Variants in SKAP2 observed in about 807,000 individuals in gnomAD.
The protein encoded by SKAP2 is src kinase associated phosphoprotein 2.
A neutral mutation model predicts 54.9 loss-of-function variants in SKAP2; 28 were observed. That is an observed-to-expected ratio of 0.51 (90% CI 0.38 to 0.70). The LOEUF is 0.70. Ranked by LOEUF, SKAP2 falls within the 30% of genes least tolerant of loss-of-function variation. SKAP2 has a pLI of 0.00. For synonymous variants in SKAP2, 137 were observed against 134.3 expected (o/e 1.02, Z -0.14); for missense variants, 356 against 424.1 (o/e 0.84, Z 1.41).
intron 4 of SKAP2, among the ~76,000 whole-genome samples, chr7:26,763,731 A>G (rs1782983364): frequency 6.6e-6 from 1 of 152,176 alleles, no homozygotes; most frequent in African/African-American, 2.4e-5. Flanking sequence ...GTCATTGTAT[A>G]AACATCATGA....
intron 9 of SKAP2, among the ~76,000 whole-genome samples, chr7:26,715,992 A>G (rs1157715148): frequency 1.3e-5 from 2 of 152,182 alleles, no homozygotes; most frequent in Non-Finnish European, 2.9e-5. Context: ...ATTAAATTTA[A>G]TTGTAGTTAA....
At chr7:26,774,228 C>T (rs7784206) in intron 4 of SKAP2, among the ~76,000 whole-genome samples, 69,043 of 151,812 alleles carry the variant, frequency 0.45, 16,434 homozygotes, top group African/African-American at 0.56. Flanking sequence ...CAGGAGAATC[C>T]CTTGAACCCG....
chr7:26,683,535 T>TGGAAGGAAGGAA (rs145108418), intron 11 of SKAP2, among the ~76,000 whole-genome samples: 22,212 of 147,044 alleles, frequency 0.15, 2,078 homozygotes, highest in East Asian at 0.35. Context: ...GATGGATGGA[T>TGGAAGGAAGGAA]GGAAGGAAGG....
At chr7:26,657,671 C>G in the SKAP2 span, among the ~76,000 whole-genome samples, 4 of 151,878 alleles carry the variant, frequency 2.6e-5, no homozygotes, top group African/African-American at 9.7e-5. Context: ...ATTTCTGTAC[C>G]TTGTCTTTAC....
At chr7:26,847,284 T>C (rs1022184302) in intron 3 of SKAP2, among the ~76,000 whole-genome samples, 1 of 152,162 alleles carries the variant, frequency 6.6e-6, no homozygotes, top group South Asian at 2.1e-4. Flanking sequence ...GGACACATCA[T>C]TTTTCAAGAT....
At chr7:26,722,710 A>G (rs1787604886) in intron 9 of SKAP2, among the ~76,000 whole-genome samples, 2 of 152,080 alleles carry the variant, frequency 1.3e-5, no homozygotes, top group South Asian at 2.1e-4. Context: ...CGCCCAGCCC[A>G]TTGCAATTTT....
intron 9 of SKAP2, among the ~76,000 whole-genome samples, chr7:26,696,151 TTA>T (rs1180100638): frequency 6.6e-6 from 1 of 152,200 alleles, no homozygotes; most frequent in Non-Finnish European, 1.5e-5. Context: ...TGAAGGATTT[TTA>T]TATTACTATA....
At chr7:26,838,856 T>C (rs1029396884) in intron 4 of SKAP2, among the ~76,000 whole-genome samples, 2 of 152,216 alleles carry the variant, frequency 1.3e-5, no homozygotes, top group Admixed American at 6.5e-5. Flanking sequence ...CCTAGATTGC[T>C]AGTTACCTTA....
chr7:26,721,117 C>G (rs1787567784), intron 9 of SKAP2, among the ~76,000 whole-genome samples: 1 of 152,138 alleles, frequency 6.6e-6, no homozygotes, highest in African/African-American at 2.4e-5. Flanking sequence ...CTTTCCATTG[C>G]ATTCCAAAGA....
At chr7:26,775,641 C>A (rs1436048388) in intron 4 of SKAP2, among the ~76,000 whole-genome samples, 2 of 151,782 alleles carry the variant, frequency 1.3e-5, no homozygotes, top group Non-Finnish European at 2.9e-5. Context: ...AGTTCCAACA[C>A]CACAAGGATC....
intron 9 of SKAP2, among the ~76,000 whole-genome samples, chr7:26,716,302 G>C: frequency 6.6e-6 from 1 of 152,012 alleles, no homozygotes; most frequent in East Asian, 1.9e-4. Flanking sequence ...AGATATTAGG[G>C]TTATATAGTT....
intron 4 of SKAP2, among the ~76,000 whole-genome samples, chr7:26,763,909 G>A (rs1019054816): frequency 6.6e-6 from 1 of 152,096 alleles, no homozygotes; most frequent in African/African-American, 2.4e-5. Context: ...CATGGAAAAG[G>A]CACAGTAAAA....
intron 4 of SKAP2, among the ~76,000 whole-genome samples, chr7:26,836,279 A>C (rs532165099): frequency 1.3e-5 from 2 of 152,348 alleles, no homozygotes; most frequent in South Asian, 4.1e-4. Flanking sequence ...GTACATAGGC[A>C]TGGGCAAAGA....
intron 11 of SKAP2, among the ~76,000 whole-genome samples, chr7:26,680,890 CTTCT>C (rs1044599346): frequency 4.0e-5 from 6 of 151,774 alleles, no homozygotes; most frequent in African/African-American, 1.5e-4. Flanking sequence ...TCTGCCTACT[CTTCT>C]TTCTTTATTG....
At chr7:26,812,073 A>G (rs1784158585) in intron 4 of SKAP2, among the ~76,000 whole-genome samples, 1 of 152,152 alleles carries the variant, frequency 6.6e-6, no homozygotes, top group Non-Finnish European at 1.5e-5. Flanking sequence ...ATTTGTTTTT[A>G]AGGGAACTGT....
chr7:26,785,154 G>T (rs1783514882), intron 4 of SKAP2, among the ~76,000 whole-genome samples: 1 of 151,918 alleles, frequency 6.6e-6, no homozygotes, highest in Admixed American at 6.6e-5. Context: ...CTGGAAAAAA[G>T]ATCATGCCTT....
At chr7:26,695,320 G>A (rs1786871771) in intron 9 of SKAP2, among the ~76,000 whole-genome samples, 1 of 152,154 alleles carries the variant, frequency 6.6e-6, no homozygotes, top group South Asian at 2.1e-4. Flanking sequence ...CTCAGGAAAT[G>A]TGAATATTTA....
At chr7:26,863,379 C>T (rs2128000122) in intron 1 of SKAP2, among the ~76,000 whole-genome samples, 1 of 152,216 alleles carries the variant, frequency 6.6e-6, no homozygotes, top group East Asian at 1.9e-4. Flanking sequence ...ATTTTATAGA[C>T]ATCTAAAACT....
intron 4 of SKAP2, among the ~76,000 whole-genome samples, chr7:26,791,677 C>G (rs144051753): frequency 6.6e-6 from 1 of 152,038 alleles, no homozygotes; most frequent in East Asian, 1.9e-4. Flanking sequence ...CATTAAAACA[C>G]CTAACTAGAA....
Sources: allele counts gnomAD v4.1 joint callset (sites outside exome capture counted in the v4.1 genomes callset), GRCh38; gene constraint gnomAD v4.1.1; transcripts MANE v1.5; gene names NCBI Gene and HGNC (gene_info 2026-07-23, HGNC 2026-07-21).